Variants in ASB8 observed in about 807,000 individuals in gnomAD.
ASB8 encodes the protein ankyrin repeat and SOCS box containing 8.
A neutral mutation model predicts 22.9 loss-of-function variants in ASB8; 15 were observed. The observed-to-expected ratio is 0.66, with a 90% CI of 0.44 to 1.01. ASB8 has a LOEUF of 1.01. ASB8 is among the 50% of genes least tolerant of loss of function. ASB8 has a pLI of 0.00. For synonymous variants in ASB8, 124 were observed against 140.8 expected (o/e 0.88, Z 0.84); for missense variants, 294 against 356.9 (o/e 0.82, Z 1.42).
chr12:48,149,335 GC>G lies in ASB8; in HGVS notation c.*30del. On this transcript the variant is annotated 3_prime_UTR_variant, in exon 4 of 4. Transcript: ENST00000317697. The stretch of plus-strand genomic sequence containing the variant: ...TGCAGGGACAACCTCACCCAGAGCT[GC>G]CTGCACGATGGTGCAAACATCTTCT... The G allele has an allele frequency of 3.8e-6, 6 of 1,593,700 alleles. No individual in the cohort carries two copies. The highest frequency in any genetic ancestry group is 5.1e-6 in the Non-Finnish European group (6 of 1,166,692).
At chr12:48,155,740 A>ATATAT (rs1555211485) in intron 1 of ASB8, among the ~76,000 whole-genome samples, 19 of 109,406 alleles carry the variant, frequency 1.7e-4, no homozygotes, top group Middle Eastern at 4.9e-3. Flanking sequence ...AAAAAAAAAA[A>ATATAT]AAATATATAT....
At chr12:48,150,282 A>G in intron 3 of ASB8, 2 of 675,122 alleles carry the variant, frequency 3.0e-6, no homozygotes, top group Non-Finnish European at 5.4e-6. Flanking sequence ...TTATCTATTC[A>G]TTAGAATCTC....
rs747591267 is a variant in ASB8, at chr12:48,149,470, G to A, written c.763C>T (p.Arg255Cys). The change falls in exon 4 of 4, where the codon CGC becomes TGC. Residue 255 changes from arginine (R) to cysteine (C), a missense_variant. By Grantham distance (180) the Arg-to-Cys change is radical (BLOSUM62 -3). Coordinates refer to ENST00000317697, the MANE Select transcript of ASB8 (RefSeq NM_024095.5). ...CCCAGGCTACGGCGCACGGCATAGCGAGCGAGTGTTTTTAGAGTTCCTGGA... is the reference window on the plus strand; with the variant it reads ...CCCAGGCTACGGCGCACGGCATAGCAAGCGAGTGTTTTTAGAGTTCCTGGA... The part of the protein sequence containing the change: ...SAPGTLKTLA[R>C]YAVRRSLGLQ... The A allele has an allele frequency of 2.0e-5, 32 of 1,614,000 alleles. No individual in the cohort carries two copies. The highest frequency in any genetic ancestry group is 6.7e-5 in the East Asian group (3 of 44,896).
In ASB8 at chr12:48,149,467, A is replaced by G. The variant is rs778131722; in HGVS notation, c.766T>C (p.Tyr256His). 1 of 1,614,182 alleles carries G rather than the reference A, an allele frequency of 6.2e-7. No individual in the cohort carries two copies. The highest frequency in any genetic ancestry group is 8.5e-7 in the Non-Finnish European group (1 of 1,179,990). The change falls in exon 4 of 4, where the codon TAT becomes CAT. Residue 256 changes from tyrosine (Y) to histidine (H), a missense_variant. Transcript: ENST00000317697. The stretch of plus-strand genomic sequence containing the variant: ...AGTCCCAGGCTACGGCGCACGGCAT[A>G]GCGAGCGAGTGTTTTTAGAGTTCCT... ...APGTLKTLAR[Y>H]AVRRSLGLQY...
chr12:48,151,692 C>T (rs1951206268), intron 2 of ASB8: 2 of 1,229,106 alleles, frequency 1.6e-6, no homozygotes, highest in South Asian at 2.5e-5. Flanking sequence ...GTGAGTCTGT[C>T]AGACTGAGGC....
chr12:48,156,798 A>C (rs1437488764), intron 1 of ASB8, among the ~76,000 whole-genome samples: 1 of 152,106 alleles, frequency 6.6e-6, no homozygotes, highest in Non-Finnish European at 1.5e-5. Flanking sequence ...ATGAAACTTC[A>C]GGGCAGACAG....
At position 48,149,545 on chromosome 12, in the gene ASB8, C is replaced by T. The variant is rs878926546; in HGVS notation, c.688G>A (p.Val230Met). 6 of 1,614,184 alleles carry T rather than the reference C, an allele frequency of 3.7e-6. No individual in the cohort carries two copies. In the South Asian group the frequency reaches 4.4e-5, roughly 12 times the overall value. Reference sequence around the variant, plus strand: ...TCACATAGCTGCGGGTCTCTGGCCACCTCTCGTGGCATGGTGCCATTTTTC... The same window carrying T: ...TCACATAGCTGCGGGTCTCTGGCCATCTCTCGTGGCATGGTGCCATTTTTC... ...LRKNGTMPRE[V>M]ARDPQLCEKL... Residue 230 changes from valine (V) to methionine (M), a missense_variant, in exon 4 of 4, where the codon GTG becomes ATG. Physicochemically the swap from Val to Met is conservative, Grantham distance 21. Coordinates refer to ENST00000317697, the MANE Select transcript of ASB8 (RefSeq NM_024095.5).
intron 1 of ASB8, among the ~76,000 whole-genome samples, chr12:48,156,669 T>C (rs1951310389): frequency 1.3e-5 from 2 of 152,106 alleles, no homozygotes; most frequent in African/African-American, 4.8e-5. Context: ...TTCTGGGCCA[T>C]GATAATCGGA....
chr12:48,149,722 G>A lies in ASB8; in HGVS notation c.511C>T (p.Leu171=), dbSNP rs1035583480. 2 of 1,614,030 alleles carry A rather than the reference G, an allele frequency of 1.2e-6. No homozygotes were observed. Among genetic ancestry groups the A allele is most frequent in the African/African-American group, 1.3e-5 (1 of 74,906 alleles). The change falls in exon 4 of 4, where the codon CTG becomes TTG. Residue 171 remains leucine (L), a synonymous_variant. Coordinates refer to ENST00000317697, the MANE Select transcript of ASB8 (RefSeq NM_024095.5). The part of the protein sequence containing the change: ...KGNLESVSIL[L]DYGAEVRVIN... ...ACTCTGACCTCTGCGCCATAATCCA[G>A]AAGGATGCTGACACTCTCAAGATTT...
rs1180465657 is a variant in ASB8 at position 48,153,490 on chromosome 12, A to G, written c.7T>C (p.Ser3Pro). The G allele has an allele frequency of 4.3e-6, 7 of 1,613,798 alleles. No homozygotes were observed. The East Asian group carries it at 1.3e-4, about 31-fold the overall frequency. Residue 3 changes from serine (S) to proline (P), a missense_variant, in exon 2 of 4, where the codon TCC becomes CCC. By Grantham distance (74) the Ser-to-Pro change is moderately conservative. Transcript: ENST00000317697. The stretch of plus-strand genomic sequence containing the variant: ...CTCTGCATAATATACCACATACTGG[A>G]ACTCATCAAGGCTCAAGGTGTTCAC... MS[S>P]SMWYIMQSIQ... is the part of the protein sequence containing the mutation.
At chr12:48,152,431 C>A (rs1414081372) in intron 2 of ASB8, among the ~76,000 whole-genome samples, 2 of 152,168 alleles carry the variant, frequency 1.3e-5, no homozygotes, top group African/African-American at 4.8e-5. Flanking sequence ...TGATCAAAAA[C>A]TGTGTAACTT....
intron 3 of ASB8, among the ~76,000 whole-genome samples, chr12:48,150,711 A>G (rs1400900019): frequency 1.3e-5 from 2 of 152,236 alleles, no homozygotes; most frequent in Non-Finnish European, 2.9e-5. Context: ...AAAACCCTGA[A>G]ACATTTAAGT....
intron 2 of ASB8, chr12:48,151,533 T>C (rs1325571704): frequency 7.1e-7 from 1 of 1,411,466 alleles, no homozygotes; most frequent in Non-Finnish European, 9.6e-7. Flanking sequence ...AGTTACTAAG[T>C]TTCTCCACAA....
intron 2 of ASB8, chr12:48,151,561 TCACCTGGA>T (rs1951203489): frequency 1.4e-6 from 2 of 1,474,284 alleles, no homozygotes; most frequent in Admixed American, 2.0e-5. Flanking sequence ...TGCCAGATGG[TCACCTGGA>T]CATCACTGAA....
At chr12:48,151,452 T>C (rs761516130) in intron 2 of ASB8, 147 bp from the exon 3 acceptor site, 35 of 972,110 alleles carry the variant, frequency 3.6e-5, no homozygotes, top group Non-Finnish European at 5.1e-5. Flanking sequence ...TTTCTATTAA[T>C]ATTATGTCAA....
chr12:48,151,150 T>A, intron 3 of ASB8, 51 bp downstream of exon 3: 1 of 1,432,580 alleles, frequency 7.0e-7, no homozygotes, highest in Non-Finnish European at 9.8e-7. Context: ...TAAGAAAACA[T>A]GAAGCTCAAG....
Position 48,153,521 on chromosome 12 carries a change from C to A in ASB8, c.-25G>T. On this transcript the variant is annotated 5_prime_UTR_variant, in exon 2 of 4. Coordinates refer to ENST00000317697, the MANE Select transcript of ASB8 (RefSeq NM_024095.5). ...TCAAGGCTCAAGGTGTTCACATGCT[C>A]CAAACTGCCTGAAACAAAGAAGTTT... 6.2e-7 allele frequency: 1 copy of A among 1,612,014 alleles called. No homozygotes were observed. The highest frequency in any genetic ancestry group is 1.1e-5 in the South Asian group (1 of 90,886).
intron 2 of ASB8, chr12:48,153,045 C>T: frequency 4.4e-6 from 1 of 225,136 alleles, no homozygotes; most frequent in Non-Finnish European, 8.9e-6. Flanking sequence ...TGCTCACCTC[C>T]TCCCTTAATA....
chr12:48,151,160 G>A (rs1951194443), intron 3 of ASB8, 41 bp downstream of exon 3: 1 of 1,491,320 alleles, frequency 6.7e-7, no homozygotes, highest in Non-Finnish European at 9.4e-7. Flanking sequence ...TGAAGCTCAA[G>A]TTTTAGTGAG....
Sources: allele counts gnomAD v4.1 joint callset (sites outside exome capture counted in the v4.1 genomes callset), GRCh38; gene constraint gnomAD v4.1.1; transcripts MANE v1.5; gene names NCBI Gene and HGNC (gene_info 2026-07-23, HGNC 2026-07-21).